The following AEBP2 variants were observed in gnomAD, a reference collection of about 807,000 sequenced individuals.
AEBP2 encodes the protein zinc finger protein AEBP2.
Under a neutral mutation model 50.8 loss-of-function variants are expected in AEBP2, and 10 were observed. The ratio of observed to expected loss-of-function variants is 0.20; its 90% CI spans 0.12 to 0.33. The LOEUF is 0.33. Among genes scored for constraint, AEBP2 ranks in the 10% least tolerant of loss-of-function variants. The pLI is 1.00. For synonymous variants in AEBP2, 296 were observed against 261.3 expected (o/e 1.13, Z -1.28); for missense variants, 570 against 688.0 (o/e 0.83, Z 1.92).
chr12:19,516,746 G>T (rs985117367), intron 7 of AEBP2, among the ~76,000 whole-genome samples: 1 of 152,176 alleles, frequency 6.6e-6, no homozygotes, highest in Admixed American at 6.5e-5. Flanking sequence ...AGCCGTCTTG[G>T]CCCGGTGAGG....
At chr12:19,442,521 C>A (rs576643148) in intron 1 of AEBP2, among the ~76,000 whole-genome samples, 38 of 152,272 alleles carry the variant, frequency 2.5e-4, no homozygotes, top group African/African-American at 9.1e-4. Context: ...GGAGTTGTGG[C>A]TTTTATTTGA....
At chr12:19,456,818 G>C in intron 1 of AEBP2, 1 of 1,552,952 alleles carries the variant, frequency 6.4e-7, no homozygotes, top group Non-Finnish European at 8.9e-7. Context: ...TACCAGGTTT[G>C]AGAACACCAG....
intron 1 of AEBP2, chr12:19,457,732 A>G: frequency 1.2e-6 from 1 of 800,800 alleles, no homozygotes; most frequent in Non-Finnish European, 1.7e-6. Flanking sequence ...AGTCAGAGAG[A>G]TCTTTTCGGT....
chr12:19,462,070 T>G (rs1322178431), intron 1 of AEBP2, among the ~76,000 whole-genome samples: 1 of 152,178 alleles, frequency 6.6e-6, no homozygotes, highest in Non-Finnish European at 1.5e-5. Context: ...GATTAATGAA[T>G]AGAAGAGATT....
chr12:19,467,452 C>T (rs1226206817), intron 2 of AEBP2, among the ~76,000 whole-genome samples: 1 of 152,088 alleles, frequency 6.6e-6, no homozygotes, highest in Non-Finnish European at 1.5e-5. Flanking sequence ...CGCCACCACA[C>T]CTGACTTACT....
At chr12:19,491,025 A>G (rs977873710) in intron 3 of AEBP2, among the ~76,000 whole-genome samples, 2 of 152,186 alleles carry the variant, frequency 1.3e-5, no homozygotes, top group Non-Finnish European at 2.9e-5. Flanking sequence ...TTAAAAATTC[A>G]TTTACTCAGT....
At chr12:19,501,773 G>A (rs911921598) in intron 5 of AEBP2, among the ~76,000 whole-genome samples, 8 of 138,660 alleles carry the variant, frequency 5.8e-5, no homozygotes, top group South Asian at 2.4e-4. Flanking sequence ...CTCTATTTCC[G>A]TCGTCTCCTA....
At chr12:19,476,018 G>C (rs1243655407) in intron 3 of AEBP2, among the ~76,000 whole-genome samples, 1 of 152,072 alleles carries the variant, frequency 6.6e-6, no homozygotes, top group Non-Finnish European at 1.5e-5. Flanking sequence ...TGCAGAAGCT[G>C]ATAATCTGCT....
At chr12:19,476,532 G>T (rs1414188883) in intron 3 of AEBP2, among the ~76,000 whole-genome samples, 1 of 65,370 alleles carries the variant, frequency 1.5e-5, no homozygotes, top group Admixed American at 1.4e-4. Flanking sequence ...AGTAGAGACA[G>T]AGCTTCACCC....
At chr12:19,484,926 T>C (rs1020585940) in intron 3 of AEBP2, among the ~76,000 whole-genome samples, 9 of 152,208 alleles carry the variant, frequency 5.9e-5, no homozygotes, top group Admixed American at 1.3e-4. Context: ...ATCTTGGCCG[T>C]GACATTTGCT....
At chr12:19,488,441 T>G (rs887715067) in intron 3 of AEBP2, among the ~76,000 whole-genome samples, 2 of 151,968 alleles carry the variant, frequency 1.3e-5, no homozygotes, top group Non-Finnish European at 2.9e-5. Flanking sequence ...TTAAATATTG[T>G]TTGTGGTCAT....
intron 5 of AEBP2, among the ~76,000 whole-genome samples, chr12:19,505,363 CCTA>C (rs1949141359): frequency 6.6e-6 from 1 of 152,154 alleles, no homozygotes; most frequent in Admixed American, 6.5e-5. Flanking sequence ...ATATTGAGCA[CCTA>C]CTGTGAGCCA....
At position 19,460,478 on chromosome 12, in the gene AEBP2, C is replaced by G. The variant is rs551145725; in HGVS notation, c.672-2032C>G. Among the ~76,000 whole-genome samples the G allele has an allele frequency of 7.2e-5, 11 of 152,124 alleles. No homozygotes were observed. The East Asian group carries it at 1.4e-3, about 19-fold the overall frequency. Reference sequence around the variant, plus strand: ...CAAGCAATTCTCTGTCTCAGCCTCCCGAGTAGCTGGGATTACAGGCGTGTG... The same window carrying G: ...CAAGCAATTCTCTGTCTCAGCCTCCGGAGTAGCTGGGATTACAGGCGTGTG... On this transcript the variant is annotated intron_variant, in intron 1 of 7. Transcript: ENST00000266508.
At chr12:19,500,032 C>A in intron 4 of AEBP2, 65 bp from the exon 5 acceptor site, 1 of 1,386,030 alleles carries the variant, frequency 7.2e-7, no homozygotes, top group East Asian at 2.6e-5. Flanking sequence ...TAATTGTTTC[C>A]ATCTTTATTA....
At chr12:19,461,854 G>A (rs1314994327) in intron 1 of AEBP2, among the ~76,000 whole-genome samples, 2 of 152,024 alleles carry the variant, frequency 1.3e-5, no homozygotes, top group Admixed American at 6.6e-5. Flanking sequence ...GGATTGATTG[G>A]CATTTTCAGT....
At position 19,446,194 on chromosome 12, in the gene AEBP2, C is replaced by T. The variant is rs537852875; in HGVS notation, c.671+5824C>T. 5.3e-5 allele frequency: 8 copies of T among 152,228 alleles called. No homozygotes were observed. In the South Asian group the frequency reaches 1.7e-3, roughly 32 times the overall value. 9.4% of individuals were successfully genotyped at this position (152,228 alleles called of 1,614,324 possible). A position where few individuals can be genotyped will look rare whatever the true frequency, so the allele number is the denominator to read the frequency against. On this transcript the variant is annotated intron_variant, in intron 1 of 7. Coordinates refer to ENST00000266508, the MANE Select transcript of AEBP2 (RefSeq NM_153207.5). ...TTATATTGGTCTTAAATACTAAGAC[C>T]CATTGCGCCCCATTTAGTGATAAGA...
At chr12:19,443,061 A>G (rs1947991366) in intron 1 of AEBP2, among the ~76,000 whole-genome samples, 1 of 151,586 alleles carries the variant, frequency 6.6e-6, no homozygotes, top group Non-Finnish European at 1.5e-5. Flanking sequence ...TTTATCTGAT[A>G]TGCTCTAGAA....
intron 3 of AEBP2, among the ~76,000 whole-genome samples, chr12:19,474,809 T>C (rs1948623668): frequency 6.6e-6 from 1 of 151,272 alleles, no homozygotes; most frequent in Admixed American, 6.6e-5. Context: ...TTTTCCCCCC[T>C]CAAGATGGAG....
intron 1 of AEBP2, chr12:19,456,584 T>C (rs1350641705): frequency 3.2e-6 from 5 of 1,541,184 alleles, no homozygotes; most frequent in African/African-American, 1.4e-5. Context: ...TTATTTGGCC[T>C]GGAAGGTTCA....
Sources: gnomAD v4.1 joint callset for allele counts (sites outside exome capture counted in the v4.1 genomes callset) on GRCh38, gnomAD v4.1.1 for gene constraint, MANE v1.5 for transcripts, NCBI Gene and HGNC (gene_info 2026-07-23, HGNC 2026-07-21) for gene names.